The following ACR variants were observed in gnomAD, a reference collection of about 807,000 sequenced individuals.
ACR encodes the protein acrosin light and heavy chain prepropeptide.
Under a neutral mutation model 26.0 loss-of-function variants are expected in ACR, and 17 were observed. The observed-to-expected ratio is 0.65, with a 90% CI of 0.45 to 0.98. The LOEUF is 0.98. ACR is among the 50% of genes least tolerant of loss of function. The probability of loss-of-function intolerance (pLI) is 0.00; values close to 1 mark genes in which losing one functional copy is unlikely to be tolerated. For synonymous variants in ACR, 199 were observed against 207.7 expected, an observed-to-expected ratio of 0.96 and a Z score of 0.36; for missense variants, 435 against 519.3, an observed-to-expected ratio of 0.84 and a Z score of 1.58.
chr22:50,744,127 C>G lies in ACR; in HGVS notation c.632C>G (p.Ser211Trp). The G allele has an allele frequency of 6.2e-7, 1 of 1,610,348 alleles. No individual in the cohort carries two copies. The highest frequency in any genetic ancestry group is 8.5e-7 in the Non-Finnish European group (1 of 1,178,466). ...VDLIDLDLCN[S>W]TQWYNGRVQP... ...CTCATCGACCTGGACTTGTGTAACT[C>G]GACCCAGTGGTACAATGGGCGCGTT... The change falls in exon 4 of 5, where the codon TCG (serine) becomes TGG (tryptophan). Residue 211 changes from serine (S) to tryptophan (W), a missense_variant. By Grantham distance (177) the Ser-to-Trp change is radical. Coordinates refer to ENST00000216139, the MANE Select transcript of ACR (RefSeq NM_001097.3).
rs758320621 is a variant in ACR, at chr22:50,738,346, C to T, written c.77+34C>T. 4 of 1,604,852 alleles carry T rather than the reference C, an allele frequency of 2.5e-6. No homozygotes were observed. In the South Asian group the frequency reaches 4.4e-5, roughly 18 times the overall value. ...CGGGGCACCTTGGTGGGGGAAGGATCTTCTGAGGAGCAGGTACCACCCCGA... is the reference window on the plus strand; with the variant it reads ...CGGGGCACCTTGGTGGGGGAAGGATTTTCTGAGGAGCAGGTACCACCCCGA... On this transcript the variant is annotated intron_variant, in intron 1 of 4. Transcript: ENST00000216139.
At position 50,739,489 on chromosome 22, in the gene ACR, G is replaced by A. The variant is rs748359489; in HGVS notation, c.281+15G>A. 21 of 1,613,756 alleles carry A rather than the reference G, an allele frequency of 1.3e-5. No homozygotes were observed. In the Admixed American group the frequency reaches 3.5e-4, roughly 27 times the overall value. On this transcript the variant is annotated intron_variant, in intron 2 of 4. Transcript: ENST00000216139. The surrounding 1 kb of genome is among the most constrained non-coding windows in gnomAD (Gnocchi z 5.5). The stretch of plus-strand genomic sequence containing the variant: ...GTCGGCAAAAAGTACGTGTAGGGAT[G>A]CACTGAGGGAGGTCTTCAGAACGGC...
At position 50,740,728 on chromosome 22, in the gene ACR, G is replaced by T. The variant is rs2083421581; in HGVS notation, c.565+751G>T. 8.5e-6 allele frequency: 6 copies of T among 702,524 alleles called. No homozygotes were observed. The East Asian group carries it at 1.6e-4, about 19-fold the overall frequency. The allele number at this position is 702,524 out of a possible 1,614,324, so 43.5% of individuals were successfully genotyped here. A position where few individuals can be genotyped will look rare whatever the true frequency, so the allele number is the denominator to read the frequency against. On this transcript the variant is annotated intron_variant, in intron 3 of 4. Coordinates refer to ENST00000216139, the MANE Select transcript of ACR (RefSeq NM_001097.3). The stretch of plus-strand genomic sequence containing the variant: ...TCTCTCTCTCCCCTGGCTCCCAGAA[G>T]ATCTCTTGCCCATCCAACACTACCT...
In ACR at chr22:50,739,814, C is replaced by T; in HGVS notation, c.402C>T (p.Tyr134=). 6.2e-7 allele frequency: 1 copy of T among 1,609,400 alleles called. No individual in the cohort carries two copies. Among genetic ancestry groups the T allele is most frequent in the Non-Finnish European group, 8.5e-7 (1 of 1,177,860 alleles). ...AGAAAATCATCATTCATGAAAAATA[C>T]AACTCTGCGACAGAGGGAAATGACA... The part of the protein sequence containing the change: ...YVEKIIIHEK[Y]NSATEGNDIA... The change falls in exon 3 of 5, where the codon TAC becomes TAT. Residue 134 remains tyrosine (Y), a synonymous_variant. Coordinates refer to ENST00000216139, the MANE Select transcript of ACR (RefSeq NM_001097.3). This position sits in a 1 kb window ranked among gnomAD's most constrained non-coding sequence, Gnocchi z 5.5.
intron 3 of ACR, among the ~76,000 whole-genome samples, chr22:50,741,322 C>CCT (rs1481852277): frequency 6.6e-6 from 1 of 152,086 alleles, no homozygotes; most frequent in Non-Finnish European, 1.5e-5. Context: ...GTGGCCATCC[C>CCT]CTTCTGGCCT....
rs772863293 is a variant in ACR at position 50,744,730 on chromosome 22, G to C, written c.789G>C (p.Gly263=). ...TGGTCGTGGGAATCACAAGCTGGGGGGTAGGCTGTGCCCGTGCCAAGCGCC... is the reference window on the plus strand; with the variant it reads ...TGGTCGTGGGAATCACAAGCTGGGGCGTAGGCTGTGCCCGTGCCAAGCGCC... ...AYVVVGITSW[G]VGCARAKRPG... is the part of the protein sequence containing the mutation. The change falls in exon 5 of 5, where the codon GGG becomes GGC. Residue 263 remains glycine, a synonymous_variant. Coordinates refer to ENST00000216139, the MANE Select transcript of ACR (RefSeq NM_001097.3). The C allele has an allele frequency of 6.2e-7, 1 of 1,613,220 alleles. No homozygotes were observed. Among genetic ancestry groups the C allele is most frequent in the African/African-American group, 1.3e-5 (1 of 74,842 alleles).
At chr22:50,741,183 T>C (rs564641516) in intron 3 of ACR, among the ~76,000 whole-genome samples, 2 of 152,216 alleles carry the variant, frequency 1.3e-5, no homozygotes, top group African/African-American at 2.4e-5. Flanking sequence ...TTGAGGATTC[T>C]TCCTTTAACT....
intron 3 of ACR, among the ~76,000 whole-genome samples, chr22:50,741,434 C>T (rs1266168825): frequency 6.6e-6 from 1 of 152,066 alleles, no homozygotes; most frequent in East Asian, 1.9e-4. Flanking sequence ...TGATGATGTC[C>T]ACAGCTCTTG....
Position 50,744,225 on chromosome 22 carries a change from T to A in ACR, c.711+19T>A. On this transcript the variant is annotated intron_variant, in intron 4 of 4. Transcript: ENST00000216139. ...CTGCCAGGTAACCTTCCTTCTGGCT[T>A]CTGGGCCCCTGGGTCCCTCCAGGAC... is the stretch of plus-strand genomic sequence containing the variant. 1 of 1,603,210 alleles carries A rather than the reference T, an allele frequency of 6.2e-7. No individual in the cohort carries two copies. The highest frequency in any genetic ancestry group is 1.1e-5 in the South Asian group (1 of 90,828).
chr22:50,740,024 C>T lies in ACR; in HGVS notation c.565+47C>T, dbSNP rs766337786. On this transcript the variant is annotated intron_variant, in intron 3 of 4. Transcript: ENST00000216139. The stretch of plus-strand genomic sequence containing the variant: ...AGGGGGGACGCTGCTGGCCATTCTC[C>T]TGGTGGTCTTTGAGGTGCAGCGGTC... 4.3e-6 allele frequency: 7 copies of T among 1,609,782 alleles called. No individual in the cohort carries two copies. The South Asian group carries it at 6.6e-5, about 15-fold the overall frequency.
Position 50,739,281 on chromosome 22 carries a change from G to T in ACR, c.88G>T (p.Gly30Trp). The part of the protein sequence containing the change: ...KDNATCDGPC[G>W]LRFRQNPQGG... ...CTGGTCTCTCCCCAGTGGCCCCTGTGGGTTACGGTTCAGGCAAAACCCACA... is the reference window on the plus strand; with the variant it reads ...CTGGTCTCTCCCCAGTGGCCCCTGTTGGTTACGGTTCAGGCAAAACCCACA... Residue 30 changes from glycine to tryptophan, a missense_variant, in exon 2 of 5, where the codon GGG (glycine) becomes TGG (tryptophan). By Grantham distance (184) the Gly-to-Trp change is radical (BLOSUM62 -2). Coordinates refer to ENST00000216139, the MANE Select transcript of ACR (RefSeq NM_001097.3). The surrounding 1 kb of genome is among the most constrained non-coding windows in gnomAD (Gnocchi z 5.5). The T allele has an allele frequency of 1.3e-6, 2 of 1,575,310 alleles. No individual in the cohort carries two copies. The highest frequency in any genetic ancestry group is 1.7e-6 in the Non-Finnish European group (2 of 1,160,010).
In ACR at chr22:50,742,530, C is replaced by T. The variant is rs1252653868; in HGVS notation, c.566-1531C>T. Among the ~76,000 whole-genome samples, 4 of 121,722 alleles carry T rather than the reference C, an allele frequency of 3.3e-5. No homozygotes were observed. The Admixed American group carries it at 3.4e-4, about 10-fold the overall frequency. The allele number at this position is 121,722 out of a possible 152,430, so 79.9% of individuals were successfully genotyped here. A position where few individuals can be genotyped will look rare whatever the true frequency, so the allele number is the denominator to read the frequency against. ...CCGCACTCCAGCCTGGGCGACAGAG[C>T]AAGACTCCGTCTCAAAAAAAAAAAA... is the stretch of plus-strand genomic sequence containing the variant. On this transcript the variant is annotated intron_variant, in intron 3 of 4. Transcript: ENST00000216139.
intron 3 of ACR, chr22:50,740,929 T>C (rs2146854149): frequency 1.9e-6 from 1 of 523,960 alleles, no homozygotes; most frequent in South Asian, 2.3e-5. Context: ...ATACCATTTA[T>C]CCCAGAAGCA....
rs750341976 is a variant in ACR, at chr22:50,738,342, G to A, written c.77+30G>A. On this transcript the variant is annotated intron_variant, in intron 1 of 4. Coordinates refer to ENST00000216139, the MANE Select transcript of ACR (RefSeq NM_001097.3). The stretch of plus-strand genomic sequence containing the variant: ...GTGTCGGGGCACCTTGGTGGGGGAA[G>A]GATCTTCTGAGGAGCAGGTACCACC... 7 of 1,609,570 alleles carry A rather than the reference G, an allele frequency of 4.3e-6. No individual in the cohort carries two copies. The East Asian group carries it at 1.1e-4, about 26-fold the overall frequency.
At chr22:50,741,447 G>T (rs1315390905) in intron 3 of ACR, among the ~76,000 whole-genome samples, 1 of 151,732 alleles carries the variant, frequency 6.6e-6, no homozygotes, top group African/African-American at 2.4e-5. Context: ...AGCTCTTGGG[G>T]GTCCCTATGT....
chr22:50,742,301 T>G (rs888911834), intron 3 of ACR, among the ~76,000 whole-genome samples: 1 of 152,204 alleles, frequency 6.6e-6, no homozygotes, highest in East Asian at 1.9e-4. Context: ...TCCCAGCACT[T>G]TGGGAGGCCA....
At position 50,744,130 on chromosome 22, in the gene ACR, C is replaced by T; in HGVS notation, c.635C>T (p.Thr212Ile). Reference protein sequence around the residue: ...DLIDLDLCNSTQWYNGRVQPT... With the variant: ...DLIDLDLCNSIQWYNGRVQPT... The stretch of plus-strand genomic sequence containing the variant: ...ATCGACCTGGACTTGTGTAACTCGA[C>T]CCAGTGGTACAATGGGCGCGTTCAG... Residue 212 changes from threonine (T) to isoleucine (I), a missense_variant, in exon 4 of 5, where the codon ACC becomes ATC. This residue lies in a region of ACR where 314 missense variants were observed against 372.0 expected (regional missense o/e 0.84). Coordinates refer to ENST00000216139, the MANE Select transcript of ACR (RefSeq NM_001097.3). 1 of 1,613,812 alleles carries T rather than the reference C, an allele frequency of 6.2e-7. No individual in the cohort carries two copies. Among genetic ancestry groups the T allele is most frequent in the Non-Finnish European group, 8.5e-7 (1 of 1,179,820 alleles).
intron 3 of ACR, among the ~76,000 whole-genome samples, chr22:50,743,153 A>T (rs1298583604): frequency 6.7e-6 from 1 of 150,332 alleles, no homozygotes; most frequent in African/African-American, 2.5e-5. Context: ...CTCCTGCCTC[A>T]GCCTCCCGAG....
At chr22:50,740,146 G>A (rs753779110) in intron 3 of ACR, 169 bp downstream of exon 3, 17 of 857,856 alleles carry the variant, frequency 2.0e-5, no homozygotes, top group Middle Eastern at 2.1e-4. Flanking sequence ...GCCAGGTCAC[G>A]TGATGGGTGA....
Sources: allele counts gnomAD v4.1 joint callset (sites outside exome capture counted in the v4.1 genomes callset), GRCh38; gene constraint gnomAD v4.1.1; regional missense constraint gnomAD v4.1.1; non-coding constraint Gnocchi (gnomAD v3.1); transcripts MANE v1.5; gene names NCBI Gene and HGNC (gene_info 2026-07-23, HGNC 2026-07-21).